The following SAMD3 variants were observed in gnomAD, a reference collection of about 807,000 sequenced individuals.
SAMD3 encodes sterile alpha motif domain-containing protein 3.
A neutral mutation model predicts 58.5 loss-of-function variants in SAMD3; 63 were observed. The ratio of observed to expected loss-of-function variants is 1.08; its 90% CI spans 0.88 to 1.33. The LOEUF is 1.33. Ranked by LOEUF, SAMD3 falls within the 40% of genes most tolerant of loss-of-function variation. SAMD3 has a pLI of 0.00. For synonymous variants in SAMD3, 220 were observed against 210.3 expected (o/e 1.05, Z -0.40); for missense variants, 604 against 608.4 (o/e 0.99, Z 0.08).
intron 2 of SAMD3, among the ~76,000 whole-genome samples, chr6:130,295,211 C>T (rs1775528984): frequency 1.3e-5 from 2 of 152,274 alleles, no homozygotes; most frequent in African/African-American, 4.8e-5. Flanking sequence ...GCGTGAGCCA[C>T]CACGTCCAGC....
chr6:130,322,250 C>A (rs1463983862), intron 1 of SAMD3, among the ~76,000 whole-genome samples: 3 of 152,086 alleles, frequency 2.0e-5, no homozygotes, highest in Non-Finnish European at 4.4e-5. Context: ...CTTCAGGAAC[C>A]AGCAGCAGGC....
chr6:130,188,400 TTGA>T (rs1793204872), intron 5 of SAMD3, among the ~76,000 whole-genome samples: 1 of 152,172 alleles, frequency 6.6e-6, no homozygotes, highest in African/African-American at 2.4e-5. Flanking sequence ...CTTAGCAGAG[TTGA>T]TAACACAGTG....
At chr6:130,170,208 C>T (rs376403402) in intron 8 of SAMD3, among the ~76,000 whole-genome samples, 86 of 152,188 alleles carry the variant, frequency 5.7e-4, no homozygotes, top group African/African-American at 2.0e-3. Flanking sequence ...TGTCCCCCAC[C>T]GCCAACAGGC....
intron 1 of SAMD3, among the ~76,000 whole-genome samples, chr6:130,222,456 T>C (rs1007033346): frequency 1.3e-5 from 2 of 152,126 alleles, no homozygotes; most frequent in African/African-American, 4.8e-5. Flanking sequence ...TGCAAATAAA[T>C]TTAAAATAGT....
chr6:130,228,913 C>A (rs1013454594), intron 2 of SAMD3, among the ~76,000 whole-genome samples: 3 of 152,164 alleles, frequency 2.0e-5, no homozygotes, highest in Non-Finnish European at 2.9e-5. Context: ...AGTGTGGAAA[C>A]AATACATTAT....
chr6:130,181,009 G>T (rs562923876), intron 7 of SAMD3, among the ~76,000 whole-genome samples: 1 of 142,472 alleles, frequency 7.0e-6, no homozygotes, highest in Admixed American at 7.2e-5. Context: ...GTGCAATGGC[G>T]TGATCTCAGC....
At chr6:130,302,748 T>TA (rs1775795135) in intron 2 of SAMD3, among the ~76,000 whole-genome samples, 1 of 152,094 alleles carries the variant, frequency 6.6e-6, no homozygotes, top group Non-Finnish European at 1.5e-5. Context: ...TATGCAGCCA[T>TA]AAAAAAGAAT....
intron 2 of SAMD3, among the ~76,000 whole-genome samples, chr6:130,296,275 G>T (rs1775566704): frequency 6.6e-6 from 1 of 152,208 alleles, no homozygotes; most frequent in Non-Finnish European, 1.5e-5. Flanking sequence ...AGAGAACCAG[G>T]ATCTGTTGGA....
intron 2 of SAMD3, among the ~76,000 whole-genome samples, chr6:130,267,754 G>T (rs1404051792): frequency 6.6e-5 from 10 of 152,098 alleles, no homozygotes; most frequent in Admixed American, 6.6e-4. Flanking sequence ...AAACTTCCTG[G>T]TCTGTTCTGT....
At chr6:130,265,260 C>T (rs770574616) in intron 2 of SAMD3, among the ~76,000 whole-genome samples, 2 of 152,152 alleles carry the variant, frequency 1.3e-5, no homozygotes, top group Non-Finnish European at 2.9e-5. Context: ...TTCTAGTGGG[C>T]CCAACCTCCA....
At chr6:130,245,607 G>T (rs1265617768) in intron 2 of SAMD3, among the ~76,000 whole-genome samples, 1 of 152,170 alleles carries the variant, frequency 6.6e-6, no homozygotes, top group African/African-American at 2.4e-5. Flanking sequence ...GTGCACATTG[G>T]TGGCCGCAAC....
At chr6:130,292,641 G>A (rs1324310390) in intron 2 of SAMD3, among the ~76,000 whole-genome samples, 2 of 147,264 alleles carry the variant, frequency 1.4e-5, no homozygotes, top group African/African-American at 5.1e-5. Flanking sequence ...GTTTTTGAGA[G>A]AGAGTCTCGC....
In SAMD3 at chr6:130,144,617, T is replaced by C. The variant is rs1788444054; in HGVS notation, c.1466A>G (p.Asn489Ser). 1.2e-5 allele frequency: 19 copies of C among 1,614,134 alleles called. No homozygotes were observed. Among genetic ancestry groups the C allele is most frequent in the Non-Finnish European group, 1.6e-5 (19 of 1,180,002 alleles). Reference sequence around the variant, plus strand: ...ATCGAAAATCAGCGTTTCTAGGAAGTTGAAAGTTTGGGACAGTCTTCTTGG... The same window carrying C: ...ATCGAAAATCAGCGTTTCTAGGAAGCTGAAAGTTTGGGACAGTCTTCTTGG... ...ECPRRLSQTFNFLETLIFDMH... is the reference protein window; with the variant it reads ...ECPRRLSQTFSFLETLIFDMH... The change falls in exon 12 of 12, where the codon AAC (asparagine) becomes AGC (serine). Residue 489 changes from asparagine (N) to serine (S), a missense_variant. Asn to Ser is a conservative substitution (Grantham distance 46). Coordinates refer to ENST00000439090, the MANE Select transcript of SAMD3 (RefSeq NM_001017373.4).
At chr6:130,281,710 G>C (rs1432247417) in intron 2 of SAMD3, among the ~76,000 whole-genome samples, 5 of 152,082 alleles carry the variant, frequency 3.3e-5, no homozygotes, top group African/African-American at 7.2e-5. Flanking sequence ...CCTGAGGTCA[G>C]GAGTTTGAGA....
chr6:130,226,630 C>T (rs1206053441), upstream of SAMD3, among the ~76,000 whole-genome samples: 3 of 152,152 alleles, frequency 2.0e-5, no homozygotes. Context: ...AGTTCAAGAC[C>T]AGCCTGGTCA....
chr6:130,179,695 A>G (rs1299997614), intron 7 of SAMD3, among the ~76,000 whole-genome samples: 1 of 151,932 alleles, frequency 6.6e-6, no homozygotes, highest in African/African-American at 2.4e-5. Context: ...TCTTTAAAAC[A>G]TTTTTGAAAA....
chr6:130,214,408 G>T lies in SAMD3; in HGVS notation c.198C>A (p.Asn66Lys). The T allele has an allele frequency of 1.9e-6, 3 of 1,613,130 alleles. No individual in the cohort carries two copies. The highest frequency in any genetic ancestry group is 2.5e-6 in the Non-Finnish European group (3 of 1,179,572). ...TTTCTGGGGACTTCAGTCCTTGAGT[G>T]TTCTGCTTGTATTTTTTAATTAAAT... Reference protein sequence around the residue: ...LMDLIKKYKQNTQGLKSPENP... With the variant: ...LMDLIKKYKQKTQGLKSPENP... The change falls in exon 4 of 12, where the codon AAC becomes AAA. Residue 66 changes from asparagine (N) to lysine (K), a missense_variant. Physicochemically the swap from Asn to Lys is moderately conservative, Grantham distance 94. Transcript: ENST00000439090.
At chr6:130,193,662 A>G (rs1388936307) in intron 5 of SAMD3, among the ~76,000 whole-genome samples, 3 of 151,866 alleles carry the variant, frequency 2.0e-5, no homozygotes, top group African/African-American at 7.3e-5. Context: ...TCTTCAACTC[A>G]CACCTGACCT....
chr6:130,288,260 A>T (rs747801900), intron 2 of SAMD3, among the ~76,000 whole-genome samples: 9 of 152,210 alleles, frequency 5.9e-5, no homozygotes, highest in Admixed American at 2.0e-4. Context: ...TGAAATTCGT[A>T]GGGCAGGATG....
Sources: gnomAD v4.1 joint callset for allele counts (sites outside exome capture counted in the v4.1 genomes callset) on GRCh38, gnomAD v4.1.1 for gene constraint, MANE v1.5 for transcripts, NCBI Gene and HGNC (gene_info 2026-07-23, HGNC 2026-07-21) for gene names.